Variants in GPR22 observed in about 807,000 individuals in gnomAD.
GPR22 encodes the protein G protein-coupled receptor 22.
A neutral mutation model predicts 31.0 loss-of-function variants in GPR22; 13 were observed. The ratio of observed to expected loss-of-function variants is 0.42; its 90% confidence interval spans 0.27 to 0.67. The LOEUF is 0.67. Ranked by LOEUF, GPR22 falls within the 30% of genes least tolerant of loss-of-function variation. The pLI is 0.25. For synonymous variants in GPR22, 191 were observed against 173.4 expected, an observed-to-expected ratio of 1.10 and a Z score of -0.80; for missense variants, 368 against 509.6, an observed-to-expected ratio of 0.72 and a Z score of 2.67.
rs1796624090 is a variant in GPR22, at chr7:107,471,387, A to T, written c.-942A>T. The T allele has an allele frequency of 6.6e-6, 1 of 152,072 alleles. No individual in the cohort carries two copies. Among genetic ancestry groups the T allele is most frequent in the African/African-American group, 2.4e-5 (1 of 41,462 alleles). The allele number at this position is 152,072 out of a possible 1,614,324, so 9.4% of individuals were successfully genotyped here. A position where few individuals can be genotyped will look rare whatever the true frequency, so the allele number is the denominator to read the frequency against. ...TTTTCACAAGGGCCAATAGCAGCTA[A>T]TTCAGTATTTACAACTGACAATATG... On this transcript the variant is annotated 5_prime_UTR_variant, in exon 2 of 3. Transcript: ENST00000304402.
chr7:107,473,967 A>G (rs2129111770), intron 2 of GPR22, 68 bp from the exon 3 acceptor site: 2 of 574,680 alleles, frequency 3.5e-6, no homozygotes, highest in Middle Eastern at 3.2e-4. Flanking sequence ...TTTTTTTCTT[A>G]CAAAGAACAC....
At chr7:107,473,984 C>A (rs189832337) in intron 2 of GPR22, 51 bp from the exon 3 acceptor site, 5 of 707,424 alleles carry the variant, frequency 7.1e-6, no homozygotes, top group South Asian at 2.0e-5. Context: ...ACACGTTATA[C>A]GTCATTTAAA....
chr7:107,477,309 T>C (rs1368044823), downstream of GPR22, among the ~76,000 whole-genome samples: 1 of 151,758 alleles, frequency 6.6e-6, no homozygotes, highest in Admixed American at 6.6e-5. Flanking sequence ...TCTAGTTTTA[T>C]AATCTCAATA....
Position 107,474,037 on chromosome 7 carries a change from A to G in GPR22, c.-24A>G, listed in dbSNP as rs184159432. Reference sequence around the variant, plus strand: ...GTTTATTCTATTTCACTTTCTAGGGAAAAAAACCAACTGCTCCAAAAGAAT... The same window carrying G: ...GTTTATTCTATTTCACTTTCTAGGGGAAAAAACCAACTGCTCCAAAAGAAT... On this transcript the variant is annotated splice_region_variant and 5_prime_UTR_variant, in exon 3 of 3. Coordinates refer to ENST00000304402, the MANE Select transcript of GPR22 (RefSeq NM_005295.3). The surrounding 1 kb of genome is among the most constrained non-coding windows in gnomAD (Gnocchi z 5.7). 604 of 1,343,094 alleles carry G rather than the reference A, an allele frequency of 4.5e-4. 2 individuals are homozygous for G. Among genetic ancestry groups the G allele is most frequent in the Non-Finnish European group, 5.7e-4 (556 of 970,280 alleles). 83.2% of individuals were successfully genotyped at this position (1,343,094 alleles called of 1,614,324 possible).
chr7:107,474,946 C>T lies in GPR22; in HGVS notation c.886C>T (p.Arg296Ter), dbSNP rs941415102. Residue 296 changes from arginine (R) to a stop codon, truncating the protein, a stop_gained, in exon 3 of 3, where the codon CGA becomes TGA. Transcript: ENST00000304402. LOFTEE classifies it high-confidence loss of function. This position sits in a 1 kb window ranked among gnomAD's most constrained non-coding sequence, Gnocchi z 5.7. ...AGTTTCTGTAATAATTGCCCTCCGG[C>T]GAGCTGTGAAACGACACCGTGAACG... ...TSVSVIIALR[R>*]AVKRHRERRE... The T allele has an allele frequency of 1.9e-6, 3 of 1,612,376 alleles. No homozygotes were observed. Among genetic ancestry groups the T allele is most frequent in the Non-Finnish European group, 2.5e-6 (3 of 1,179,262 alleles).
In GPR22 at chr7:107,474,279, C is replaced by A; in HGVS notation, c.219C>A (p.Ile73=). ...TTTACTGCATGAAATCCAACTTAAT[C>A]AACTCTGTCAGTAACATTATTACAA... ...LVLYCMKSNL[I]NSVSNIITMN... is the part of the protein sequence containing the mutation. Residue 73 remains isoleucine (I), a synonymous_variant, in exon 3 of 3, where the codon ATC becomes ATA. Transcript: ENST00000304402. This position sits in a 1 kb window ranked among gnomAD's most constrained non-coding sequence, Gnocchi z 5.7. 1.2e-6 allele frequency: 2 copies of A among 1,611,628 alleles called. No homozygotes were observed. The highest frequency in any genetic ancestry group is 2.2e-5 in the South Asian group (2 of 90,996).
chr7:107,473,724 C>T (rs1796790819), intron 2 of GPR22, among the ~76,000 whole-genome samples: 1 of 151,902 alleles, frequency 6.6e-6, no homozygotes, highest in African/African-American at 2.4e-5. Context: ...GAAGTTTTAT[C>T]ATACAAAAAT....
At position 107,474,169 on chromosome 7, in the gene GPR22, C is replaced by A. The variant is rs1266407166; in HGVS notation, c.109C>A (p.Pro37Thr). ...NTNMYQPLSY[P>T]LSFQVSLTGF... is the part of the protein sequence containing the mutation. ...CAATATGTACCAACCACTATCATAT[C>A]CGTTAAGCTTTCAAGTGTCTCTCAC... Residue 37 changes from proline (P) to threonine (T), a missense_variant, in exon 3 of 3, where the codon CCG becomes ACG. Pro to Thr is a conservative substitution (Grantham distance 38, BLOSUM62 -1). Transcript: ENST00000304402. This position sits in a 1 kb window ranked among gnomAD's most constrained non-coding sequence, Gnocchi z 5.7. The A allele has an allele frequency of 1.2e-6, 2 of 1,611,826 alleles. No homozygotes were observed. Among genetic ancestry groups the A allele is most frequent in the Non-Finnish European group, 8.5e-7 (1 of 1,178,178 alleles).
rs1244392539 is a variant in GPR22, at chr7:107,474,959, G to A, written c.899G>A (p.Arg300Gln). Reference protein sequence around the residue: ...VIIALRRAVKRHRERRERQKR... With the variant: ...VIIALRRAVKQHRERRERQKR... Reference sequence around the variant, plus strand: ...ATTGCCCTCCGGCGAGCTGTGAAACGACACCGTGAACGACGAGAAAGACAA... The same window carrying A: ...ATTGCCCTCCGGCGAGCTGTGAAACAACACCGTGAACGACGAGAAAGACAA... The change falls in exon 3 of 3, where the codon CGA becomes CAA. Residue 300 changes from arginine (R) to glutamine (Q), a missense_variant. Transcript: ENST00000304402. This position sits in a 1 kb window ranked among gnomAD's most constrained non-coding sequence, Gnocchi z 5.7. 5.0e-6 allele frequency: 8 copies of A among 1,612,202 alleles called. No homozygotes were observed. The highest frequency in any genetic ancestry group is 1.3e-5 in the African/African-American group (1 of 74,834).
In GPR22 at chr7:107,471,495, A is replaced by G. The variant is rs1180295653; in HGVS notation, c.-834A>G. 6.6e-6 allele frequency: 1 copy of G among 152,078 alleles called. No individual in the cohort carries two copies. The highest frequency in any genetic ancestry group is 1.9e-4 in the East Asian group (1 of 5,202). 9.4% of individuals were successfully genotyped at this position (152,078 alleles called of 1,614,324 possible). A position where few individuals can be genotyped will look rare whatever the true frequency, so the allele number is the denominator to read the frequency against. On this transcript the variant is annotated 5_prime_UTR_variant, in exon 2 of 3. Transcript: ENST00000304402. ...TCTTGTAACACGACTTTAAGACATTAAGGAGTTAAAACCAGGGAATAGGTC... is the reference window on the plus strand; with the variant it reads ...TCTTGTAACACGACTTTAAGACATTGAGGAGTTAAAACCAGGGAATAGGTC...
downstream of GPR22, among the ~76,000 whole-genome samples, chr7:107,476,065 T>C (rs549235780): frequency 1.3e-4 from 20 of 150,278 alleles, no homozygotes; most frequent in Non-Finnish European, 2.7e-4. Flanking sequence ...ATGCCTATAA[T>C]ATACAAATGA....
rs1796545292 is a variant in GPR22 at position 107,470,103 on chromosome 7, T to C, written c.-1300T>C. 1.3e-5 allele frequency: 2 copies of C among 152,168 alleles called. No individual in the cohort carries two copies. Among genetic ancestry groups the C allele is most frequent in the Non-Finnish European group, 2.9e-5 (2 of 68,024 alleles). The allele number at this position is 152,168 out of a possible 1,614,324, so 9.4% of individuals were successfully genotyped here. A position where few individuals can be genotyped will look rare whatever the true frequency, so the allele number is the denominator to read the frequency against. On this transcript the variant is annotated 5_prime_UTR_variant, in exon 1 of 3. Coordinates refer to ENST00000304402, the MANE Select transcript of GPR22 (RefSeq NM_005295.3). ...GAACAGGCTTTCCTCTGAAAAGCAGTGCCGTTCCTTTTTAGAAAGACTGAA... is the reference window on the plus strand; with the variant it reads ...GAACAGGCTTTCCTCTGAAAAGCAGCGCCGTTCCTTTTTAGAAAGACTGAA...
downstream of GPR22, among the ~76,000 whole-genome samples, chr7:107,477,173 A>G (rs2129116342): frequency 6.6e-6 from 1 of 151,834 alleles, no homozygotes; most frequent in African/African-American, 2.4e-5. Flanking sequence ...TTTGGCACAG[A>G]CCAGCTCCTA....
Position 107,472,174 on chromosome 7 carries a change from T to C in GPR22, c.-155T>C, listed in dbSNP as rs977408873. 2.0e-5 allele frequency: 3 copies of C among 152,042 alleles called. No homozygotes were observed. The highest frequency in any genetic ancestry group is 7.2e-5 in the African/African-American group (3 of 41,454). The allele number at this position is 152,042 out of a possible 1,614,324, so 9.4% of individuals were successfully genotyped here. ...TTTTAAAGCAAAACAAATACAAATA[T>C]TATGTACTGTTCTTTAGAAATCCAT... On this transcript the variant is annotated 5_prime_UTR_variant, in exon 2 of 3. Coordinates refer to ENST00000304402, the MANE Select transcript of GPR22 (RefSeq NM_005295.3).
chr7:107,475,096 G>A lies in GPR22; in HGVS notation c.1036G>A (p.Val346Ile). The change falls in exon 3 of 3, where the codon GTA becomes ATA. Residue 346 changes from valine to isoleucine, a missense_variant. Coordinates refer to ENST00000304402, the MANE Select transcript of GPR22 (RefSeq NM_005295.3). ...ATGTTTAGGCCCAAGTGACCTTTTA[G>A]TAAAATTAAGATTGTGTTTTTTAGT... is the stretch of plus-strand genomic sequence containing the variant. ...ILCLGPSDLL[V>I]KLRLCFLVMA... 6.2e-7 allele frequency: 1 copy of A among 1,612,710 alleles called. No homozygotes were observed. Among genetic ancestry groups the A allele is most frequent in the Non-Finnish European group, 8.5e-7 (1 of 1,179,156 alleles).
rs1796921922 is a variant in GPR22 at position 107,475,546 on chromosome 7, T to C, written c.*184T>C. On this transcript the variant is annotated 3_prime_UTR_variant, in exon 3 of 3. Coordinates refer to ENST00000304402, the MANE Select transcript of GPR22 (RefSeq NM_005295.3). Reference sequence around the variant, plus strand: ...TTTCTTCATTACTTAATGTATTTGTTGCATGGCAGTTTGTTAAAGTACTAT... The same window carrying C: ...TTTCTTCATTACTTAATGTATTTGTCGCATGGCAGTTTGTTAAAGTACTAT... The C allele has an allele frequency of 4.2e-6, 2 of 475,918 alleles. No homozygotes were observed. The highest frequency in any genetic ancestry group is 7.6e-6 in the Non-Finnish European group (2 of 263,234). 29.5% of individuals were successfully genotyped at this position (475,918 alleles called of 1,614,324 possible).
In GPR22 at chr7:107,475,259, TA is replaced by T. The variant is rs1411331363; in HGVS notation, c.1201del (p.Ile401TyrfsTer6). 3 of 1,602,584 alleles carry T rather than the reference TA, an allele frequency of 1.9e-6. No homozygotes were observed. The highest frequency in any genetic ancestry group is 2.6e-6 in the Non-Finnish European group (3 of 1,170,050). The stretch of plus-strand genomic sequence containing the variant: ...GCTGATCCCCTGCCTAATAATGCTG[TA>T]ATACACAACTCTTGGATAGATCCTA... ...VEADPLPNNA[V>X]IHNSWIDPKR... is the part of the protein sequence containing the mutation. On this transcript the variant is annotated frameshift_variant, in exon 3 of 3. Transcript: ENST00000304402. LOFTEE classifies it high-confidence loss of function.
chr7:107,475,502 A>G lies in GPR22; in HGVS notation c.*140A>G. The stretch of plus-strand genomic sequence containing the variant: ...AATTTTCAATGTGAATGTCAATTAG[A>G]TAGGTCATATATATTCAATTTCTTC... On this transcript the variant is annotated 3_prime_UTR_variant, in exon 3 of 3. Transcript: ENST00000304402. 1.8e-6 allele frequency: 1 copy of G among 550,740 alleles called. No homozygotes were observed. Among genetic ancestry groups the G allele is most frequent in the African/African-American group, 1.9e-5 (1 of 52,212 alleles). 34.1% of individuals were successfully genotyped at this position (550,740 alleles called of 1,614,324 possible).
downstream of GPR22, among the ~76,000 whole-genome samples, chr7:107,477,714 AAT>A (rs1042441531): frequency 4.0e-5 from 6 of 151,874 alleles, no homozygotes; most frequent in Admixed American, 3.9e-4. Flanking sequence ...AAACCAAAAT[AAT>A]ATGTGTTAAA....
Sources: allele counts gnomAD v4.1 joint callset (sites outside exome capture counted in the v4.1 genomes callset), GRCh38; gene constraint gnomAD v4.1.1; non-coding constraint Gnocchi (gnomAD v3.1); transcripts MANE v1.5; gene names NCBI Gene and HGNC (gene_info 2026-07-23, HGNC 2026-07-21).